SV2B: variants seen among roughly 807,000 people sequenced by gnomAD.
SV2B encodes the protein synaptic vesicle glycoprotein 2B, also known as solute carrier family 22 member B2.
In SV2B, 41 loss-of-function variants were observed where a neutral mutation model predicts 73.9. The observed-to-expected ratio is 0.56, with a 90% CI of 0.43 to 0.72. The LOEUF (loss-of-function observed/expected upper bound fraction) is 0.72. Ranked by LOEUF, SV2B falls within the 30% of genes least tolerant of loss-of-function variation. The pLI is 0.00. For missense variants in SV2B, 764 were observed against 857.8 expected (o/e 0.89, Z 1.37); for synonymous variants, 314 against 314.2 (o/e 1.00, Z 0.01).
At position 91,229,774 on chromosome 15, in the gene SV2B, A is replaced by T. The variant is rs2046505305; in HGVS notation, c.451+3060A>T. Among the ~76,000 whole-genome samples the T allele has an allele frequency of 6.6e-6, 1 of 152,234 alleles. No homozygotes were observed. Among genetic ancestry groups the T allele is most frequent in the Admixed American group, 6.5e-5 (1 of 15,284 alleles). On this transcript the variant is annotated intron_variant, in intron 2 of 12. Coordinates refer to ENST00000394232, the MANE Select transcript of SV2B (RefSeq NM_001323032.3). The surrounding 1 kb of genome is among the most constrained non-coding windows in gnomAD (Gnocchi z 4.3). ...TTCTTATTACTAAACTGATTGCTTG[A>T]TAATGACTCAGGAACAGATTTTCTC...
intron 1 of SV2B, among the ~76,000 whole-genome samples, chr15:91,154,701 G>T (rs575964230): frequency 9.9e-5 from 15 of 152,266 alleles, no homozygotes; most frequent in African/African-American, 3.4e-4. Flanking sequence ...AGGGAAGATG[G>T]CCACGTGATG....
At chr15:91,278,653 T>C (rs1256845735) in intron 9 of SV2B, among the ~76,000 whole-genome samples, 33 of 90,312 alleles carry the variant, frequency 3.7e-4, no homozygotes, top group African/African-American at 5.9e-4. Flanking sequence ...CAGTCCGGCC[T>C]GGGCGACAGA....
intron 1 of SV2B, among the ~76,000 whole-genome samples, chr15:91,201,310 G>A (rs1329242750): frequency 6.6e-6 from 1 of 152,150 alleles, no homozygotes; most frequent in Non-Finnish European, 1.5e-5. Flanking sequence ...GATTGCATGG[G>A]AGCCACTGTT....
Position 91,226,326 on chromosome 15 carries a change from C to T in SV2B, c.63C>T (p.Arg21=), listed in dbSNP as rs191343592. Residue 21 remains arginine (R), a synonymous_variant, in exon 2 of 13, where the codon CGC becomes CGT. Transcript: ENST00000394232. ...GGYAPSDGYY[R]GNESNPEEDA... Reference sequence around the variant, plus strand: ...ATGCTCCCAGTGATGGCTATTACCGCGGCAATGAGTCCAACCCAGAAGAAG... The same window carrying T: ...ATGCTCCCAGTGATGGCTATTACCGTGGCAATGAGTCCAACCCAGAAGAAG... 119 of 1,614,120 alleles carry T rather than the reference C, an allele frequency of 7.4e-5. No homozygotes were observed. Among genetic ancestry groups the T allele is most frequent in the East Asian group, 1.3e-4 (6 of 44,872 alleles).
chr15:91,202,721 C>A (rs1043466382), intron 1 of SV2B, among the ~76,000 whole-genome samples: 4 of 152,012 alleles, frequency 2.6e-5, no homozygotes, highest in African/African-American at 9.7e-5. Flanking sequence ...CAGGACTGGC[C>A]AGAGAGAGAA....
At chr15:91,194,171 G>A (rs1165941618) in intron 1 of SV2B, among the ~76,000 whole-genome samples, 1 of 151,870 alleles carries the variant, frequency 6.6e-6, no homozygotes, top group Non-Finnish European at 1.5e-5. Flanking sequence ...CAGTATTTCA[G>A]CTGAGCAGAA....
Position 91,227,314 on chromosome 15 carries a change from G to A in SV2B, c.451+600G>A, listed in dbSNP as rs779867764. ...CACAGATGGATTCTGCAGGATAGAG[G>A]ACCAGCTTTGCAAATCAATTAAGAG... On this transcript the variant is annotated intron_variant, in intron 2 of 12. Transcript: ENST00000394232. The surrounding 1 kb of genome is among the most constrained non-coding windows in gnomAD (Gnocchi z 4.5). Among the ~76,000 whole-genome samples, 11 of 152,192 alleles carry A rather than the reference G, an allele frequency of 7.2e-5. No individual in the cohort carries two copies. Among genetic ancestry groups the A allele is most frequent in the Non-Finnish European group, 1.5e-4 (10 of 68,044 alleles).
chr15:91,267,435 C>G lies in SV2B; in HGVS notation c.1120-120C>G, dbSNP rs986999336. ...GCTGCCTCTAGGAGACAGTGGGGTA[C>G]CGGTTCTCTCCATGGGTTCCTAGGC... On this transcript the variant is annotated intron_variant, in intron 7 of 12. Transcript: ENST00000394232. This position sits in a 1 kb window ranked among gnomAD's most constrained non-coding sequence, Gnocchi z 4.3. The G allele has an allele frequency of 6.3e-6, 5 of 799,950 alleles. No homozygotes were observed. The highest frequency in any genetic ancestry group is 8.3e-6 in the Non-Finnish European group (4 of 479,336). 49.6% of individuals were successfully genotyped at this position (799,950 alleles called of 1,614,324 possible). A position where few individuals can be genotyped will look rare whatever the true frequency, so the allele number is the denominator to read the frequency against.
intron 1 of SV2B, among the ~76,000 whole-genome samples, chr15:91,162,923 C>T (rs1454002862): frequency 6.8e-6 from 1 of 146,866 alleles, no homozygotes; most frequent in African/African-American, 2.5e-5. Flanking sequence ...CTCCCCCAAC[C>T]CCACGACAGG....
Position 91,296,782 on chromosome 15 carries a change from C to A in SV2B, c.*4230C>A. 1 of 152,530 alleles carries A rather than the reference C, an allele frequency of 6.6e-6. No individual in the cohort carries two copies. Among genetic ancestry groups the A allele is most frequent in the South Asian group, 1.8e-4 (1 of 5,474 alleles). 9.4% of individuals were successfully genotyped at this position (152,530 alleles called of 1,614,324 possible). A position where few individuals can be genotyped will look rare whatever the true frequency, so the allele number is the denominator to read the frequency against. On this transcript the variant is annotated 3_prime_UTR_variant, in exon 13 of 13. Transcript: ENST00000394232. Reference sequence around the variant, plus strand: ...CCCGATCGTTGGGAGCACACTCCTTCTGCCCAATCATTGGGCTCACGCTCC... The same window carrying A: ...CCCGATCGTTGGGAGCACACTCCTTATGCCCAATCATTGGGCTCACGCTCC...
chr15:91,266,645 A>G lies in SV2B; in HGVS notation c.1072A>G (p.Thr358Ala), dbSNP rs914943332. The G allele has an allele frequency of 6.2e-7, 1 of 1,614,158 alleles. No homozygotes were observed. The highest frequency in any genetic ancestry group is 8.5e-7 in the Non-Finnish European group (1 of 1,180,006). Residue 358 changes from threonine to alanine, a missense_variant, in exon 7 of 13, where the codon ACC becomes GCC. Coordinates refer to ENST00000394232, the MANE Select transcript of SV2B (RefSeq NM_001323032.3). ...EFIEIQSSTGTWYQRWLVRFK... is the reference protein window; with the variant it reads ...EFIEIQSSTGAWYQRWLVRFK... ...CATTGAGATCCAAAGTTCAACAGGAACCTGGTACCAGCGCTGGCTGGTCAG... is the reference window on the plus strand; with the variant it reads ...CATTGAGATCCAAAGTTCAACAGGAGCCTGGTACCAGCGCTGGCTGGTCAG...
chr15:91,123,452 A>G lies in SV2B; in HGVS notation c.-392+23089A>G, dbSNP rs1367812281. Among the ~76,000 whole-genome samples, 1 of 152,210 alleles carries G rather than the reference A, an allele frequency of 6.6e-6. No individual in the cohort carries two copies. The highest frequency in any genetic ancestry group is 1.5e-5 in the Non-Finnish European group (1 of 68,040). On this transcript the variant is annotated intron_variant, in intron 1 of 12. Transcript: ENST00000394232. This position sits in a 1 kb window ranked among gnomAD's most constrained non-coding sequence, Gnocchi z 4.7. ...ATAATTTTTATTTGTCAATTAAAAG[A>G]AAGAAATAAGAGCTTGAGGAAGATA...
Position 91,283,976 on chromosome 15 carries a change from G to C in SV2B, c.1508-45G>C. ...CCCTGCCTCTGCCTTTCTCTCTCCA[G>C]CTCCCTTCCACTTACATGAACCGAA... On this transcript the variant is annotated intron_variant, in intron 10 of 12. Transcript: ENST00000394232. This position sits in a 1 kb window ranked among gnomAD's most constrained non-coding sequence, Gnocchi z 4.3. 6.2e-6 allele frequency: 10 copies of C among 1,601,650 alleles called. No individual in the cohort carries two copies. The highest frequency in any genetic ancestry group is 6.8e-6 in the Non-Finnish European group (8 of 1,169,702).
At chr15:91,155,161 G>T (rs1036777400) in intron 1 of SV2B, among the ~76,000 whole-genome samples, 50 of 152,140 alleles carry the variant, frequency 3.3e-4, no homozygotes, top group Admixed American at 3.3e-3. Context: ...AGAAGCCATA[G>T]AAAATAGAAG....
chr15:91,163,277 C>CCAGT (rs2043791609), intron 1 of SV2B, among the ~76,000 whole-genome samples: 2 of 152,108 alleles, frequency 1.3e-5, no homozygotes, highest in Admixed American at 6.5e-5. Context: ...GGGTGTGTAC[C>CCAGT]CAGTAGTGGG....
chr15:91,292,647 G>C lies in SV2B; in HGVS notation c.*95G>C. 3 of 1,421,074 alleles carry C rather than the reference G, an allele frequency of 2.1e-6. No individual in the cohort carries two copies. The South Asian group carries it at 4.4e-5, about 21-fold the overall frequency. 88.0% of individuals were successfully genotyped at this position (1,421,074 alleles called of 1,614,324 possible). A position where few individuals can be genotyped will look rare whatever the true frequency, so the allele number is the denominator to read the frequency against. ...CCTATCACGGTCCGGAGGACACCTTGGATAGCACGGGAGGAGAAGTTGACT... is the reference window on the plus strand; with the variant it reads ...CCTATCACGGTCCGGAGGACACCTTCGATAGCACGGGAGGAGAAGTTGACT... On this transcript the variant is annotated 3_prime_UTR_variant, in exon 13 of 13. Transcript: ENST00000394232.
In SV2B at chr15:91,203,407, A is replaced by C. The variant is rs563951979; in HGVS notation, c.-391-22466A>C. On this transcript the variant is annotated intron_variant, in intron 1 of 12. Coordinates refer to ENST00000394232, the MANE Select transcript of SV2B (RefSeq NM_001323032.3). ...AGGCAGGGATTCCCTCTCCACCTGGAATCCTACCATTAGAATCCTGTTATG... is the reference window on the plus strand; with the variant it reads ...AGGCAGGGATTCCCTCTCCACCTGGCATCCTACCATTAGAATCCTGTTATG... 8.5e-5 allele frequency among the ~76,000 whole-genome samples: 13 copies of C among 152,368 alleles called. No homozygotes were observed. In the South Asian group the frequency reaches 2.5e-3, roughly 29 times the overall value.
rs1333303584 is a variant in SV2B at position 91,120,824 on chromosome 15, AAAG to A, written c.-392+20464_-392+20466del. Among the ~76,000 whole-genome samples, 85 of 151,024 alleles carry A rather than the reference AAAG, an allele frequency of 5.6e-4. 1 individual carries two copies. Among genetic ancestry groups the A allele is most frequent in the Admixed American group, 2.0e-4 (3 of 15,184 alleles). On this transcript the variant is annotated intron_variant, in intron 1 of 12. Coordinates refer to ENST00000394232, the MANE Select transcript of SV2B (RefSeq NM_001323032.3). Reference sequence around the variant, plus strand: ...GAGAACCTGTCTCAAAAAAAAAAAAAAAGAAAGAAAAAGTAAAAGAAACATTTC... The same window carrying A: ...GAGAACCTGTCTCAAAAAAAAAAAAAAAAGAAAAAGTAAAAGAAACATTTC...
At chr15:91,103,369 T>C (rs1316532433) in intron 1 of SV2B, among the ~76,000 whole-genome samples, 2 of 152,204 alleles carry the variant, frequency 1.3e-5, no homozygotes, top group African/African-American at 2.4e-5. Context: ...AAAGAAAAGG[T>C]CATCTTTAGC....
Sources: gnomAD v4.1 joint callset for allele counts (sites outside exome capture counted in the v4.1 genomes callset) on GRCh38, gnomAD v4.1.1 for gene constraint, Gnocchi (gnomAD v3.1) non-coding constraint, MANE v1.5 for transcripts, NCBI Gene and HGNC (gene_info 2026-07-23, HGNC 2026-07-21) for gene names.